Variants in ICA1L observed in about 807,000 individuals in gnomAD.
ICA1L encodes islet cell autoantigen 1-like protein.
Under a neutral mutation model 61.3 loss-of-function variants are expected in ICA1L, and 50 were observed. That is an observed-to-expected ratio of 0.82 (90% confidence interval 0.65 to 1.03). The LOEUF (loss-of-function observed/expected upper bound fraction) is 1.03. ICA1L is among the 50% of genes least tolerant of loss of function. The pLI is 0.00. For synonymous variants in ICA1L, 161 were observed against 191.3 expected, an observed-to-expected ratio of 0.84 and a Z score of 1.31; for missense variants, 508 against 556.7, an observed-to-expected ratio of 0.91 and a Z score of 0.88.
At chr2:202,870,283 C>A (rs1421514362) in intron 1 of ICA1L, among the ~76,000 whole-genome samples, 1 of 152,024 alleles carries the variant, frequency 6.6e-6, no homozygotes, top group African/African-American at 2.4e-5. Context: ...TGGCATCCTA[C>A]TTTTTCCACC....
intron 1 of ICA1L, chr2:202,870,472 C>T (rs1346393071): frequency 6.6e-6 from 1 of 152,114 alleles, no homozygotes; most frequent in Non-Finnish European, 1.5e-5. Context: ...GTATGATAGG[C>T]ACAGATAACA....
At chr2:202,833,545 A>G (rs1694068063) in intron 1 of ICA1L, among the ~76,000 whole-genome samples, 2 of 152,190 alleles carry the variant, frequency 1.3e-5, no homozygotes, top group Admixed American at 1.3e-4. Context: ...TAATCACACC[A>G]CTGCACTCCA....
intron 1 of ICA1L, chr2:202,840,919 C>G: frequency 9.7e-6 from 7 of 719,728 alleles, no homozygotes; most frequent in South Asian, 8.1e-5. Flanking sequence ...GTCTGCAGTT[C>G]CTCATACTTG....
chr2:202,832,973 G>A (rs185467490), intron 1 of ICA1L, among the ~76,000 whole-genome samples: 1 of 152,138 alleles, frequency 6.6e-6, no homozygotes, highest in Admixed American at 6.5e-5. Flanking sequence ...CCAGATTTGT[G>A]AATGACATTA....
chr2:202,814,904 G>C, intron 7 of ICA1L, 120 bp from the exon 8 acceptor site: 2 of 693,008 alleles, frequency 2.9e-6, no homozygotes, highest in Non-Finnish European at 5.0e-6. Flanking sequence ...GAACTAGAGA[G>C]TGAAAGATAT....
intron 1 of ICA1L, among the ~76,000 whole-genome samples, chr2:202,846,921 C>G (rs1380029939): frequency 6.6e-6 from 1 of 152,204 alleles, no homozygotes; most frequent in Non-Finnish European, 1.5e-5. Flanking sequence ...TGGTCTCCCC[C>G]TCTCCTGCTA....
In ICA1L at chr2:202,779,391, A is replaced by G. The variant is rs1394594082; in HGVS notation, c.*142T>C. 1 of 524,210 alleles carries G rather than the reference A, an allele frequency of 1.9e-6. No homozygotes were observed. The allele number at this position is 524,210 out of a possible 1,614,324, so 32.5% of individuals were successfully genotyped here. A position where few individuals can be genotyped will look rare whatever the true frequency, so the allele number is the denominator to read the frequency against. On this transcript the variant is annotated 3_prime_UTR_variant, in exon 13 of 13. Coordinates refer to ENST00000358299, the MANE Select transcript of ICA1L (RefSeq NM_001288622.3). ...TACTTATTCAAATGTGGTCTTTACC[A>G]TCTGTCTAAAGTTGGCTGACAGGTG...
At chr2:202,798,252 G>A (rs571251757) in intron 9 of ICA1L, among the ~76,000 whole-genome samples, 2 of 151,718 alleles carry the variant, frequency 1.3e-5, no homozygotes, top group Admixed American at 1.3e-4. Flanking sequence ...TTTTGAGAAA[G>A]GGTCATGCTC....
chr2:202,865,488 C>T (rs1021375418), intron 1 of ICA1L, among the ~76,000 whole-genome samples: 1 of 147,248 alleles, frequency 6.8e-6, no homozygotes, highest in Non-Finnish European at 1.5e-5. Flanking sequence ...AAAAAGAAAA[C>T]AACAACAAAA....
At chr2:202,837,999 GC>G (rs1300954446) in intron 1 of ICA1L, among the ~76,000 whole-genome samples, 3 of 151,986 alleles carry the variant, frequency 2.0e-5, no homozygotes, top group East Asian at 1.9e-4. Flanking sequence ...GATTATAGGC[GC>G]CCACCACCAC....
At chr2:202,840,458 C>T in intron 1 of ICA1L, 2 of 500,620 alleles carry the variant, frequency 4.0e-6, no homozygotes, top group Non-Finnish European at 7.9e-6. Flanking sequence ...AGAGCCAAAG[C>T]TGGAGCCGAG....
chr2:202,838,887 G>A (rs1202138487), intron 1 of ICA1L, among the ~76,000 whole-genome samples: 2 of 152,100 alleles, frequency 1.3e-5, no homozygotes, highest in African/African-American at 4.8e-5. Context: ...GCATCACATG[G>A]TAAGAAAAGG....
At chr2:202,827,726 G>C (rs903148190) in intron 2 of ICA1L, among the ~76,000 whole-genome samples, 1 of 152,016 alleles carries the variant, frequency 6.6e-6, no homozygotes, top group African/African-American at 2.4e-5. Context: ...TAATAATAAA[G>C]TCTTCATTTT....
chr2:202,842,684 T>C (rs1270107088), intron 1 of ICA1L, among the ~76,000 whole-genome samples: 3 of 152,238 alleles, frequency 2.0e-5, no homozygotes, highest in Non-Finnish European at 2.9e-5. Context: ...TGGATATTTA[T>C]ACCTTTCCTC....
chr2:202,838,435 T>A (rs981143499), intron 1 of ICA1L, among the ~76,000 whole-genome samples: 1 of 152,234 alleles, frequency 6.6e-6, no homozygotes, highest in Admixed American at 6.5e-5. Flanking sequence ...ATATATGTTA[T>A]ATCCATTTGG....
Position 202,774,157 on chromosome 2 carries a change from A to G in ICA1L, c.*5376T>C. On this transcript the variant is annotated 3_prime_UTR_variant, in exon 13 of 13. Transcript: ENST00000358299. Reference sequence around the variant, plus strand: ...TAATCAATTCATTTGTTGATGCTTCATATCTGAGCGGCTTCTTGGAGAGCG... The same window carrying G: ...TAATCAATTCATTTGTTGATGCTTCGTATCTGAGCGGCTTCTTGGAGAGCG... 7 of 1,536,662 alleles carry G rather than the reference A, an allele frequency of 4.6e-6. No homozygotes were observed. Among genetic ancestry groups the G allele is most frequent in the South Asian group, 1.2e-5 (1 of 83,756 alleles).
At chr2:202,851,759 C>A (rs1194523152) in intron 1 of ICA1L, among the ~76,000 whole-genome samples, 2 of 152,130 alleles carry the variant, frequency 1.3e-5, no homozygotes, top group African/African-American at 2.4e-5. Context: ...CTCTGATGGC[C>A]AGTGATGACG....
chr2:202,828,263 CA>C (rs56039507), intron 2 of ICA1L, among the ~76,000 whole-genome samples: 1,774 of 136,296 alleles, frequency 0.013, 22 homozygotes, highest in African/African-American at 0.038. Context: ...AACCTCCATC[CA>C]AAAAAAAAAA....
intron 1 of ICA1L, among the ~76,000 whole-genome samples, chr2:202,864,156 G>A (rs1183277180): frequency 2.0e-5 from 3 of 152,108 alleles, no homozygotes; most frequent in Non-Finnish European, 4.4e-5. Context: ...GAGTAGAAGA[G>A]GAAAGAATAG....
Sources: allele counts gnomAD v4.1 joint callset (sites outside exome capture counted in the v4.1 genomes callset), GRCh38; gene constraint gnomAD v4.1.1; transcripts MANE v1.5; gene names NCBI Gene and HGNC (gene_info 2026-07-23, HGNC 2026-07-21).